Variants in AK5 observed in about 807,000 individuals in gnomAD.
The protein encoded by AK5 is adenylate kinase isoenzyme 5.
A neutral mutation model predicts 69.5 loss-of-function variants in AK5; 27 were observed. That is an observed-to-expected ratio of 0.39 (90% CI 0.29 to 0.54). AK5 has a LOEUF of 0.54. AK5 is among the 20% of genes least tolerant of loss of function. The probability of loss-of-function intolerance (pLI) is 0.71; values close to 1 mark genes in which losing one functional copy is unlikely to be tolerated. For missense variants in AK5, 531 were observed against 700.4 expected, an observed-to-expected ratio of 0.76 and a Z score of 2.73; for synonymous variants, 260 against 244.4, an observed-to-expected ratio of 1.06 and a Z score of -0.60.
At chr1:77,451,035 G>T (rs1653112537) in intron 8 of AK5, among the ~76,000 whole-genome samples, 1 of 151,882 alleles carries the variant, frequency 6.6e-6, no homozygotes, top group Admixed American at 6.6e-5. Flanking sequence ...AATTAGCCAG[G>T]CATGATGGTA....
At chr1:77,393,808 G>A (rs993590576) in intron 6 of AK5, among the ~76,000 whole-genome samples, 1 of 152,172 alleles carries the variant, frequency 6.6e-6, no homozygotes. Context: ...GATCCAGGTG[G>A]TCTACCTCTC....
intron 6 of AK5, among the ~76,000 whole-genome samples, chr1:77,376,285 T>G (rs28395330): frequency 8.5e-5 from 13 of 152,114 alleles, no homozygotes; most frequent in Non-Finnish European, 7.4e-5. Flanking sequence ...TCATTCTCCC[T>G]GAGTGCAAAT....
Position 77,486,189 on chromosome 1 carries a change from C to T in AK5, c.1103-119C>T, listed in dbSNP as rs935761233. On this transcript the variant is annotated intron_variant, in intron 9 of 13. Coordinates refer to ENST00000354567, the MANE Select transcript of AK5 (RefSeq NM_174858.3). ...ATTGTAGCCTATTCACACATTTATT[C>T]AACTTCAAGCTTTTTATCAAATAAA... 4.6e-6 allele frequency: 3 copies of T among 647,808 alleles called. No individual in the cohort carries two copies. The African/African-American group carries it at 5.6e-5, about 12-fold the overall frequency. 40.1% of individuals were successfully genotyped at this position (647,808 alleles called of 1,614,324 possible).
rs762714026 is a variant in AK5, at chr1:77,358,018, T to TGTGTGTGAGAGAGA, written c.891+17451_891+17452insTGTGTGAGAGAGAG. On this transcript the variant is annotated intron_variant, in intron 6 of 13. Coordinates refer to ENST00000354567, the MANE Select transcript of AK5 (RefSeq NM_174858.3). ...GTGTGTGTGTGTGTGTGTGTGTGTG[T>TGTGTGTGAGAGAGA]GAGAGAGAGAGAGAGAGAGAGACAG... Among the ~76,000 whole-genome samples, 739 of 128,238 alleles carry TGTGTGTGAGAGAGA rather than the reference T, an allele frequency of 5.8e-3. 6 individuals carry two copies. The highest frequency in any genetic ancestry group is 7.6e-3 in the Middle Eastern group (2 of 264). 84.1% of individuals were successfully genotyped at this position (128,238 alleles called of 152,430 possible).
intron 5 of AK5, among the ~76,000 whole-genome samples, chr1:77,327,232 A>C (rs1229744190): frequency 6.6e-6 from 1 of 152,028 alleles, no homozygotes; most frequent in Non-Finnish European, 1.5e-5. Flanking sequence ...ACAAATACAT[A>C]AGTAAATAAA....
intron 6 of AK5, among the ~76,000 whole-genome samples, chr1:77,374,376 A>G (rs985348303): frequency 2.7e-5 from 4 of 147,668 alleles, no homozygotes; most frequent in Admixed American, 1.4e-4. Context: ...TGAAGTTCTC[A>G]TTGCATTTCA....
intron 6 of AK5, among the ~76,000 whole-genome samples, chr1:77,396,411 G>A (rs1456559605): frequency 6.6e-6 from 1 of 152,178 alleles, no homozygotes; most frequent in East Asian, 1.9e-4. Flanking sequence ...TGGCTATTAA[G>A]TTGTTAAACA....
chr1:77,426,549 C>T (rs1651222376), intron 8 of AK5, among the ~76,000 whole-genome samples: 1 of 152,158 alleles, frequency 6.6e-6, no homozygotes, highest in African/African-American at 2.4e-5. Flanking sequence ...CTTCAACACT[C>T]CTCTATCAGA....
intron 8 of AK5, among the ~76,000 whole-genome samples, chr1:77,432,232 C>T (rs977756789): frequency 6.6e-6 from 1 of 152,084 alleles, no homozygotes; most frequent in Non-Finnish European, 1.5e-5. Flanking sequence ...TTCATTGTCC[C>T]TTGGTGCCAG....
intron 6 of AK5, among the ~76,000 whole-genome samples, chr1:77,367,498 TTTTG>T (rs1363157691): frequency 7.3e-6 from 1 of 137,490 alleles, no homozygotes; most frequent in Admixed American, 8.1e-5. Context: ...TTTTTGTTTG[TTTTG>T]TTTTTTTGTA....
intron 8 of AK5, among the ~76,000 whole-genome samples, chr1:77,453,970 C>G (rs1181923564): frequency 6.6e-6 from 1 of 152,116 alleles, no homozygotes; most frequent in African/African-American, 2.4e-5. Context: ...TTCCTCTTCT[C>G]CAGGGTCTTA....
chr1:77,515,560 A>G lies in AK5; in HGVS notation c.1148-3004A>G, dbSNP rs146415921. On this transcript the variant is annotated intron_variant, in intron 10 of 13. Coordinates refer to ENST00000354567, the MANE Select transcript of AK5 (RefSeq NM_174858.3). ...GTGCAAAGTGCTGTGTGATGTGCTC[A>G]GGGCACCCAGAGAAGCTTGCAGGGC... Among the ~76,000 whole-genome samples the G allele has an allele frequency of 2.7e-3, 415 of 152,308 alleles. 3 individuals carry two copies. Among genetic ancestry groups the G allele is most frequent in the South Asian group, 0.019 (90 of 4,824 alleles).
chr1:77,495,171 G>A (rs1656236508), intron 10 of AK5, among the ~76,000 whole-genome samples: 1 of 152,082 alleles, frequency 6.6e-6, no homozygotes, highest in African/African-American at 2.4e-5. Context: ...AAGAAATCAA[G>A]GCTCAAAAAG....
At chr1:77,335,915 T>C (rs1040560263) in intron 5 of AK5, among the ~76,000 whole-genome samples, 1 of 152,158 alleles carries the variant, frequency 6.6e-6, no homozygotes, top group African/African-American at 2.4e-5. Flanking sequence ...TGCTTCCTGG[T>C]TCATAGCGGT....
At chr1:77,394,620 A>G (rs1445777736) in intron 6 of AK5, among the ~76,000 whole-genome samples, 1 of 151,990 alleles carries the variant, frequency 6.6e-6, no homozygotes, top group East Asian at 1.9e-4. Context: ...TGCATGGCAT[A>G]TAGTAGGTGC....
intron 6 of AK5, among the ~76,000 whole-genome samples, chr1:77,359,216 C>T (rs1022560423): frequency 1.3e-5 from 2 of 151,034 alleles, no homozygotes; most frequent in South Asian, 2.1e-4. Flanking sequence ...GATTACGCCA[C>T]TGCACTCCAG....
At chr1:77,508,472 C>A (rs886465232) in intron 10 of AK5, among the ~76,000 whole-genome samples, 2 of 152,168 alleles carry the variant, frequency 1.3e-5, no homozygotes, top group Non-Finnish European at 2.9e-5. Flanking sequence ...CCTGGCATAC[C>A]ATGTGCTGGG....
chr1:77,324,995 C>T (rs986085869), intron 5 of AK5, among the ~76,000 whole-genome samples: 6 of 53,372 alleles, frequency 1.1e-4, no homozygotes, highest in Non-Finnish European at 2.0e-4. Flanking sequence ...TTTTTTGAGA[C>T]GGAGGCTTGT....
chr1:77,522,463 AC>A (rs1469160143), intron 12 of AK5, among the ~76,000 whole-genome samples: 1 of 152,126 alleles, frequency 6.6e-6, no homozygotes, highest in East Asian at 1.9e-4. Context: ...GAGCAAGGGC[AC>A]CACACCTGAA....
Sources: gnomAD v4.1 joint callset for allele counts (sites outside exome capture counted in the v4.1 genomes callset) on GRCh38, gnomAD v4.1.1 for gene constraint, MANE v1.5 for transcripts, NCBI Gene and HGNC (gene_info 2026-07-23, HGNC 2026-07-21) for gene names.